ABCA7: variants seen among roughly 807,000 people sequenced by gnomAD.
ABCA7 encodes phospholipid-transporting ATPase ABCA7.
ABCA7 carries 261 observed loss-of-function variants against 227.6 expected under a neutral mutation model. That is an observed-to-expected ratio of 1.15 (90% CI 1.04 to 1.27). The LOEUF is 1.27. Ranked by LOEUF, ABCA7 falls within the 50% of genes most tolerant of loss-of-function variation. The pLI, the probability that ABCA7 is intolerant of heterozygous loss-of-function variation, is 0.00. For synonymous variants in ABCA7, 1,488 were observed against 1,279.7 expected (o/e 1.16, Z -3.47); for missense variants, 3,331 against 2,924.5 (o/e 1.14, Z -3.21).
chr19:1,064,300 G>A (rs1352140668), intron 45 of ABCA7, 47 bp downstream of exon 45: 5 of 1,512,710 alleles, frequency 3.3e-6, no homozygotes, highest in Non-Finnish European at 2.7e-6. Context: ...GGGTGGGCAC[G>A]TAGGTAGGCT....
chr19:1,065,430 C>G lies in ABCA7; in HGVS notation c.*5C>G. 1 of 1,612,872 alleles carries G rather than the reference C, an allele frequency of 6.2e-7. No homozygotes were observed. The highest frequency in any genetic ancestry group is 8.5e-7 in the Non-Finnish European group (1 of 1,179,702). On this transcript the variant is annotated 3_prime_UTR_variant, in exon 47 of 47. Coordinates refer to ENST00000263094, the MANE Select transcript of ABCA7 (RefSeq NM_019112.4). ...ACTGCCGAGACTGTGCTCTGAGCCTCCCTCCCCTGCGGGGCCGCGGGGAGG... is the reference window on the plus strand; with the variant it reads ...ACTGCCGAGACTGTGCTCTGAGCCTGCCTCCCCTGCGGGGCCGCGGGGAGG...
intron 16 of ABCA7, among the ~76,000 whole-genome samples, chr19:1,048,131 G>A (rs942694909): frequency 6.7e-6 from 1 of 149,980 alleles, no homozygotes; most frequent in African/African-American, 2.4e-5. Context: ...CCAGGAGGTT[G>A]AGGCTGCTGT....
Position 1,046,304 on chromosome 19 carries a change from A to G in ABCA7, c.1520A>G (p.Gln507Arg), listed in dbSNP as rs1336187638. 2 of 1,605,612 alleles carry G rather than the reference A, an allele frequency of 1.2e-6. No homozygotes were observed. Among genetic ancestry groups the G allele is most frequent in the Non-Finnish European group, 1.7e-6 (2 of 1,179,718 alleles). ...GTGTGGGGCGGCTTCGTGTACCTGC[A>G]AGACCTGGTGGAGCGTGCAGCCGTC... ...RYVWGGFVYL[Q>R]DLVERAAVRV... is the part of the protein sequence containing the mutation. Residue 507 changes from glutamine to arginine, a missense_variant, in exon 13 of 47, where the codon CAA becomes CGA. Gln to Arg is a conservative substitution (Grantham distance 43). Coordinates refer to ENST00000263094, the MANE Select transcript of ABCA7 (RefSeq NM_019112.4).
At position 1,047,649 on chromosome 19, in the gene ABCA7, G is replaced by A. The variant is rs780075115; in HGVS notation, c.2264G>A (p.Cys755Tyr). The stretch of plus-strand genomic sequence containing the variant: ...GCCACCTGGTACCTGGAAGCTGTGT[G>A]CCCAGGTGGGCCGTAGGGGGCGGGG... Reference protein sequence around the residue: ...GLATWYLEAVCPGQYGIPEPW... With the variant: ...GLATWYLEAVYPGQYGIPEPW... The change falls in exon 16 of 47, where the codon TGC (cysteine) becomes TAC (tyrosine). Residue 755 changes from cysteine (C) to tyrosine (Y), a missense_variant. Physicochemically the swap from Cys to Tyr is radical, Grantham distance 194 (BLOSUM62 -2). Transcript: ENST00000263094. 1.3e-6 allele frequency: 2 copies of A among 1,593,162 alleles called. No homozygotes were observed. The highest frequency in any genetic ancestry group is 1.7e-6 in the Non-Finnish European group (2 of 1,174,820).
intron 10 of ABCA7, among the ~76,000 whole-genome samples, chr19:1,044,290 C>G (rs2040381885): frequency 7.1e-6 from 1 of 141,468 alleles, no homozygotes; most frequent in South Asian, 2.2e-4. Flanking sequence ...CTCTGTTGCC[C>G]AGGCTGGACT....
chr19:1,044,143 TG>T (rs1271529321), intron 10 of ABCA7, among the ~76,000 whole-genome samples: 1 of 150,798 alleles, frequency 6.6e-6, no homozygotes, highest in African/African-American at 2.4e-5. Flanking sequence ...GGTTTAACCA[TG>T]TTAGCCAGGA....
chr19:1,045,836 TAA>T (rs573935216), intron 12 of ABCA7, among the ~76,000 whole-genome samples: 1 of 145,492 alleles, frequency 6.9e-6, no homozygotes. Flanking sequence ...CTGCCTCTAC[TAA>T]AAAAAAAAAG....
rs377415053 is a variant in ABCA7, at chr19:1,056,313, C to G, written c.4417-17C>G. On this transcript the variant is annotated splice_polypyrimidine_tract_variant and intron_variant, in intron 32 of 46. Transcript: ENST00000263094. The surrounding 1 kb of genome is among the most constrained non-coding windows in gnomAD (Gnocchi z 4.3). ...CAACCCCATTGCTCTGACCCTATGA[C>G]CTTGACCCCCACCCAGATCTGGTTC... The G allele has an allele frequency of 6.2e-7, 1 of 1,610,956 alleles. No individual in the cohort carries two copies. Among genetic ancestry groups the G allele is most frequent in the African/African-American group, 1.3e-5 (1 of 74,448 alleles).
chr19:1,053,406 G>A lies in ABCA7; in HGVS notation c.3298G>A (p.Val1100Met), dbSNP rs1044759611. The change falls in exon 24 of 47, where the codon GTG (valine) becomes ATG (methionine). Residue 1100 changes from valine (V) to methionine (M), a missense_variant. Transcript: ENST00000263094. Reference protein sequence around the residue: ...RLVEELPHELVLVLPYTGAHD... With the variant: ...RLVEELPHELMLVLPYTGAHD... ...GGTGGAGGAGCTGCCACACGAGCTG[G>A]TGCTGGTGCTGCCCTACACGGGTGC... 2.5e-6 allele frequency: 4 copies of A among 1,608,088 alleles called. No individual in the cohort carries two copies. Among genetic ancestry groups the A allele is most frequent in the Non-Finnish European group, 3.4e-6 (4 of 1,178,872 alleles).
chr19:1,064,814 G>A (rs2042934895), intron 45 of ABCA7, 117 bp from the exon 46 acceptor site: 4 of 1,410,102 alleles, frequency 2.8e-6, no homozygotes, highest in East Asian at 2.7e-5. Context: ...AGGACCACTT[G>A]ATCGCTAGGG....
At position 1,041,584 on chromosome 19, in the gene ABCA7, G is replaced by A; in HGVS notation, c.141G>A (p.Pro47=). 6.2e-7 allele frequency: 1 copy of A among 1,612,252 alleles called. No individual in the cohort carries two copies. The highest frequency in any genetic ancestry group is 8.5e-7 in the Non-Finnish European group (1 of 1,179,902). Residue 47 remains proline (P), a synonymous_variant, in exon 3 of 47, where the codon CCG becomes CCA. Coordinates refer to ENST00000263094, the MANE Select transcript of ABCA7 (RefSeq NM_019112.4). ...FILVAVRHSH[P]PLEHHECHFP... Reference sequence around the variant, plus strand: ...TGGTGGCTGTTCGCCACTCCCACCCGCCCCTGGAGCACCATGAATGTGAGC... The same window carrying A: ...TGGTGGCTGTTCGCCACTCCCACCCACCCCTGGAGCACCATGAATGTGAGC...
chr19:1,048,950 C>G lies in ABCA7; in HGVS notation c.2325C>G (p.Cys775Trp). Residue 775 changes from cysteine (C) to tryptophan (W), a missense_variant, in exon 17 of 47, where the codon TGC becomes TGG. Cys to Trp is a radical substitution (Grantham distance 215, BLOSUM62 -2). Coordinates refer to ENST00000263094, the MANE Select transcript of ABCA7 (RefSeq NM_019112.4). ...WNFPFRRSYW[C>W]GPRPPKSPAP... ...TTCCTTTTCGGAGGAGCTACTGGTG[C>G]GGACCTCGGCCCCCCAAGAGTCCAG... 1 of 1,609,510 alleles carries G rather than the reference C, an allele frequency of 6.2e-7. No individual in the cohort carries two copies. Among genetic ancestry groups the G allele is most frequent in the Non-Finnish European group, 8.5e-7 (1 of 1,178,394 alleles).
rs372757000 is a variant in ABCA7 at position 1,042,297 on chromosome 19, C to T, written c.416-18C>T. The T allele has an allele frequency of 1.9e-5, 30 of 1,574,742 alleles. No homozygotes were observed. Among genetic ancestry groups the T allele is most frequent in the African/African-American group, 2.7e-5 (2 of 74,464 alleles). The stretch of plus-strand genomic sequence containing the variant: ...CAACGTCCCCCCAGCCCCATGCTCC[C>T]GTGCGCTCCTCCCCCAGCCCAGCCT... On this transcript the variant is annotated intron_variant, in intron 5 of 46. Coordinates refer to ENST00000263094, the MANE Select transcript of ABCA7 (RefSeq NM_019112.4).
chr19:1,065,282 T>G lies in ABCA7; in HGVS notation c.6298T>G (p.Phe2100Val). ...QTMLEEVFLY[F>V]SKDQGKDEDT... The stretch of plus-strand genomic sequence containing the variant: ...TGCCCACCGCTAGGTATTCTTGTAC[T>G]TCTCCAAGGACCAGGGGAAGGACGA... The change falls in exon 47 of 47, where the codon TTC becomes GTC. Residue 2100 changes from phenylalanine to valine, a missense_variant. Physicochemically the swap from Phe to Val is conservative, Grantham distance 50. Transcript: ENST00000263094. 5 of 1,613,292 alleles carry G rather than the reference T, an allele frequency of 3.1e-6. No homozygotes were observed. Among genetic ancestry groups the G allele is most frequent in the Non-Finnish European group, 4.2e-6 (5 of 1,179,952 alleles).
Position 1,049,431 on chromosome 19 carries a change from C to A in ABCA7, c.2546C>A (p.Thr849Asn), listed in dbSNP as rs149652747. The stretch of plus-strand genomic sequence containing the variant: ...GGCCACAACGGGGCCGGCAAGACCA[C>A]CACCCTGTGAGCCCCCAACCACTCC... ...FLGHNGAGKT[T>N]TLSILSGLFP... The change falls in exon 18 of 47, where the codon ACC (threonine) becomes AAC (asparagine). Residue 849 changes from threonine to asparagine, a missense_variant. Transcript: ENST00000263094. The A allele has an allele frequency of 2.5e-6, 4 of 1,600,060 alleles. No individual in the cohort carries two copies. In the African/African-American group the frequency reaches 5.4e-5, roughly 22 times the overall value.
intron 37 of ABCA7, 151 bp downstream of exon 37, chr19:1,058,420 C>A: frequency 7.0e-7 from 1 of 1,432,582 alleles, no homozygotes. Context: ...GTTGGAGGTA[C>A]AAGAAAGCAG....
chr19:1,045,425 GA>G (rs146996823), intron 12 of ABCA7, 194 bp downstream of exon 12: 2 of 621,010 alleles, frequency 3.2e-6, no homozygotes, highest in East Asian at 5.5e-5. Flanking sequence ...CTAGGTGCAT[GA>G]GGGGCGTGGC....
intron 45 of ABCA7, among the ~76,000 whole-genome samples, 153 bp downstream of exon 45, chr19:1,064,406 G>T (rs928161412): frequency 1.3e-5 from 2 of 152,114 alleles, no homozygotes; most frequent in Non-Finnish European, 2.9e-5. Context: ...GGTGACTGAG[G>T]GGGCGAGACA....
chr19:1,055,719 C>G (rs113337161), intron 30 of ABCA7, among the ~76,000 whole-genome samples, 188 bp from the exon 31 acceptor site: 2 of 152,004 alleles, frequency 1.3e-5, no homozygotes, highest in Non-Finnish European at 2.9e-5. Context: ...CCAGGCTGGT[C>G]TCGAACTCCT....
Sources: allele counts gnomAD v4.1 joint callset (sites outside exome capture counted in the v4.1 genomes callset), GRCh38; gene constraint gnomAD v4.1.1; non-coding constraint Gnocchi (gnomAD v3.1); transcripts MANE v1.5; gene names NCBI Gene and HGNC (gene_info 2026-07-23, HGNC 2026-07-21).